CD300LF: variants seen among roughly 807,000 people sequenced by gnomAD.
CD300LF encodes CD300 molecule like family member f.
Under a neutral mutation model 32.2 loss-of-function variants are expected in CD300LF, and 27 were observed. The ratio of observed to expected loss-of-function variants is 0.84; its 90% CI spans 0.62 to 1.15. CD300LF has a LOEUF of 1.15. CD300LF is among the 50% of genes most tolerant of loss of function. The probability of loss-of-function intolerance (pLI) is 0.00; values close to 1 mark genes in which losing one functional copy is unlikely to be tolerated. For missense variants in CD300LF, 348 were observed against 356.8 expected (o/e 0.98, Z 0.20); for synonymous variants, 139 against 143.2 (o/e 0.97, Z 0.21).
intron 4 of CD300LF, among the ~76,000 whole-genome samples, chr17:74,697,515 G>C (rs1483547470): frequency 1.3e-5 from 2 of 152,328 alleles, no homozygotes; most frequent in Middle Eastern, 3.4e-3. Flanking sequence ...AACTAACAGA[G>C]AGTCAGGCTC....
intron 4 of CD300LF, among the ~76,000 whole-genome samples, 159 bp downstream of exon 4, chr17:74,698,210 G>A (rs991946371): frequency 1.2e-4 from 19 of 152,282 alleles, no homozygotes; most frequent in Admixed American, 9.8e-4. Flanking sequence ...CAAGCTCCAG[G>A]GCGCCCCCCG....
intron 1 of CD300LF, among the ~76,000 whole-genome samples, chr17:74,708,336 C>T (rs2033680898): frequency 6.6e-6 from 1 of 151,946 alleles, no homozygotes; most frequent in Non-Finnish European, 1.5e-5. Flanking sequence ...AAATATTTAC[C>T]AAACACGTAA....
intron 2 of CD300LF, 147 bp downstream of exon 2, chr17:74,704,331 C>CA: frequency 1.6e-6 from 1 of 640,310 alleles, no homozygotes; most frequent in Non-Finnish European, 2.7e-6. Context: ...CCTGCTCCCC[C>CA]AGTCCCAGGT....
At chr17:74,701,555 C>T (rs2033050614) in intron 3 of CD300LF, among the ~76,000 whole-genome samples, 1 of 152,164 alleles carries the variant, frequency 6.6e-6, no homozygotes, top group Non-Finnish European at 1.5e-5. Context: ...TATTGATTTG[C>T]TTAGGAAAAA....
chr17:74,711,403 T>C (rs570941467), intron 1 of CD300LF, among the ~76,000 whole-genome samples: 2 of 152,314 alleles, frequency 1.3e-5, no homozygotes, highest in African/African-American at 4.8e-5. Context: ...ACTGTGCCAA[T>C]GCATTTCATA....
In CD300LF at chr17:74,698,319, C is replaced by A. The variant is rs759502210; in HGVS notation, c.559+50G>T. The A allele has an allele frequency of 6.9e-6, 9 of 1,311,142 alleles. No individual in the cohort carries two copies. The South Asian group carries it at 1.1e-4, about 16-fold the overall frequency. 81.2% of individuals were successfully genotyped at this position (1,311,142 alleles called of 1,614,324 possible). A position where few individuals can be genotyped will look rare whatever the true frequency, so the allele number is the denominator to read the frequency against. The stretch of plus-strand genomic sequence containing the variant: ...ACCAGATAGCTCCCAGATGCCACAT[C>A]CCCAGCCACCCGGCCCAGTCTCAGC... On this transcript the variant is annotated intron_variant, in intron 4 of 6. Transcript: ENST00000326165.
At chr17:74,707,108 A>G (rs1003550075) in intron 1 of CD300LF, among the ~76,000 whole-genome samples, 14 of 152,242 alleles carry the variant, frequency 9.2e-5, no homozygotes, top group African/African-American at 2.9e-4. Flanking sequence ...CCAAAAGCAC[A>G]GGCAACAAAA....
Position 74,704,483 on chromosome 17 carries a change from T to G in CD300LF, c.377A>C (p.Asp126Ala), listed in dbSNP as rs998850952. The change falls in exon 2 of 7, where the codon GAC becomes GCC. Residue 126 changes from aspartate to alanine, a missense_variant. Asp to Ala is a moderately radical substitution (Grantham distance 126). Coordinates refer to ENST00000326165, the MANE Select transcript of CD300LF (RefSeq NM_139018.5). ...DLGVTVQVTI[D>A]PAPVTQEETS... is the part of the protein sequence containing the mutation. ...ATATATACACTCCCTCTTACCTGGG[T>G]CAATGGTCACTTGAACTGTGACCCC... 6.2e-7 allele frequency: 1 copy of G among 1,609,454 alleles called. No homozygotes were observed. Among genetic ancestry groups the G allele is most frequent in the Middle Eastern group, 1.7e-4 (1 of 6,042 alleles).
intron 4 of CD300LF, 35 bp downstream of exon 4, chr17:74,698,334 C>A: frequency 6.8e-7 from 1 of 1,463,280 alleles, no homozygotes; most frequent in Non-Finnish European, 9.6e-7. Flanking sequence ...GCCACCCGGC[C>A]CAGTCTCAGC....
intron 4 of CD300LF, among the ~76,000 whole-genome samples, chr17:74,696,447 C>T (rs2032484585): frequency 1.3e-5 from 2 of 152,332 alleles, no homozygotes; most frequent in African/African-American, 4.8e-5. Flanking sequence ...ACCCCAGCCC[C>T]CTGCTCCCCA....
intron 3 of CD300LF, among the ~76,000 whole-genome samples, chr17:74,699,526 G>A (rs1202931900): frequency 6.6e-6 from 1 of 152,142 alleles, no homozygotes; most frequent in African/African-American, 2.4e-5. Flanking sequence ...ACAGGAAGAA[G>A]ACCATGAGAC....
intron 4 of CD300LF, among the ~76,000 whole-genome samples, chr17:74,698,140 A>AG (rs1186673287): frequency 1.3e-5 from 2 of 152,212 alleles, no homozygotes; most frequent in African/African-American, 4.8e-5. Context: ...AGAGAAGAGA[A>AG]GGGGAAGGAC....
At chr17:74,710,657 G>A (rs182583489) in intron 1 of CD300LF, among the ~76,000 whole-genome samples, 4 of 150,352 alleles carry the variant, frequency 2.7e-5, no homozygotes, top group Non-Finnish European at 5.9e-5. Flanking sequence ...TCAGGAGTTC[G>A]AGACCAGCCT....
chr17:74,711,089 G>T (rs2033927744), intron 1 of CD300LF, among the ~76,000 whole-genome samples: 1 of 151,998 alleles, frequency 6.6e-6, no homozygotes. Flanking sequence ...TTCCGGATGG[G>T]TATTTTTTTT....
chr17:74,697,035 G>T (rs898958355), intron 4 of CD300LF, among the ~76,000 whole-genome samples: 3 of 152,122 alleles, frequency 2.0e-5, no homozygotes, highest in African/African-American at 7.2e-5. Flanking sequence ...TCCACCTCCT[G>T]GGTTCAAGCG....
At chr17:74,711,645 G>A (rs76156522) in intron 1 of CD300LF, among the ~76,000 whole-genome samples, 3,468 of 152,184 alleles carry the variant, frequency 0.023, 78 homozygotes, top group Middle Eastern at 0.075. Context: ...TCCTACACAA[G>A]AGCCCTCGTA....
intron 3 of CD300LF, among the ~76,000 whole-genome samples, chr17:74,700,240 T>C (rs2032922067): frequency 6.6e-6 from 1 of 152,098 alleles, no homozygotes; most frequent in Non-Finnish European, 1.5e-5. Flanking sequence ...TTTCAGCCCA[T>C]GAAAATGGCC....
intron 3 of CD300LF, among the ~76,000 whole-genome samples, chr17:74,702,525 C>T (rs541854082): frequency 7.2e-5 from 11 of 152,252 alleles, no homozygotes; most frequent in Admixed American, 6.5e-4. Context: ...AAACTATAGG[C>T]ATCACTGTTC....
At chr17:74,700,628 G>A (rs1322404654) in intron 3 of CD300LF, among the ~76,000 whole-genome samples, 1 of 151,824 alleles carries the variant, frequency 6.6e-6, no homozygotes, top group African/African-American at 2.4e-5. Flanking sequence ...TGTAATCCTG[G>A]CTACTCCCAG....
Sources: allele counts gnomAD v4.1 joint callset (sites outside exome capture counted in the v4.1 genomes callset), GRCh38; gene constraint gnomAD v4.1.1; transcripts MANE v1.5; gene names NCBI Gene and HGNC (gene_info 2026-07-23, HGNC 2026-07-21).